ST6GALNAC5: variants seen among roughly 807,000 people sequenced by gnomAD.
ST6GALNAC5 encodes the protein ST6 N-acetylgalactosaminide alpha-2,6-sialyltransferase 5.
In ST6GALNAC5, 27 loss-of-function variants were observed where a neutral mutation model predicts 33.6. That is an observed-to-expected ratio of 0.80 (90% confidence interval 0.59 to 1.11). The LOEUF (loss-of-function observed/expected upper bound fraction) is 1.11, where lower values mean the gene tolerates loss of function less well. ST6GALNAC5 is among the 50% of genes least tolerant of loss of function. The probability of loss-of-function intolerance (pLI) is 0.00; values close to 1 mark genes in which losing one functional copy is unlikely to be tolerated. For synonymous variants in ST6GALNAC5, 194 were observed against 171.2 expected, an observed-to-expected ratio of 1.13 and a Z score of -1.04; for missense variants, 428 against 454.0, an observed-to-expected ratio of 0.94 and a Z score of 0.52.
intron 2 of ST6GALNAC5, among the ~76,000 whole-genome samples, chr1:76,983,950 T>C (rs1306077217): frequency 2.6e-5 from 4 of 152,254 alleles, no homozygotes; most frequent in Non-Finnish European, 4.4e-5. Context: ...ATAAAGATGT[T>C]CTTTCAAATC....
intron 2 of ST6GALNAC5, among the ~76,000 whole-genome samples, chr1:76,981,833 A>AT (rs1324028113): frequency 1.3e-5 from 2 of 152,226 alleles, no homozygotes; most frequent in Non-Finnish European, 2.9e-5. Flanking sequence ...AATATTTGCT[A>AT]TTCTGCAGCC....
At chr1:76,895,255 T>C (rs1654102843) in intron 2 of ST6GALNAC5, among the ~76,000 whole-genome samples, 1 of 151,434 alleles carries the variant, frequency 6.6e-6, no homozygotes, top group Non-Finnish European at 1.5e-5. Flanking sequence ...AAAAATAAAA[T>C]GAAATAGTGG....
chr1:76,914,892 G>T (rs1431865602), intron 2 of ST6GALNAC5, among the ~76,000 whole-genome samples: 1 of 152,106 alleles, frequency 6.6e-6, no homozygotes, highest in African/African-American at 2.4e-5. Context: ...ACTACCATCA[G>T]AGTGAACAGG....
Position 77,029,177 on chromosome 1 carries a change from C to T in ST6GALNAC5, c.262-15027C>T, listed in dbSNP as rs200342137. 1.1e-4 allele frequency among the ~76,000 whole-genome samples: 17 copies of T among 152,264 alleles called. 1 individual carries two copies. In the East Asian group the frequency reaches 3.3e-3, roughly 29 times the overall value. ...GATCAGAACTGTATTTTAGAAAGAA[C>T]ACATGACTCCTGCACTCTAGCCACT... On this transcript the variant is annotated intron_variant, in intron 2 of 4. Coordinates refer to ENST00000477717, the MANE Select transcript of ST6GALNAC5 (RefSeq NM_030965.3).
At chr1:77,017,745 C>T (rs1447936330) in intron 2 of ST6GALNAC5, among the ~76,000 whole-genome samples, 1 of 152,004 alleles carries the variant, frequency 6.6e-6, no homozygotes, top group Non-Finnish European at 1.5e-5. Flanking sequence ...TTGTAAGTCT[C>T]AATAGTATGA....
intron 2 of ST6GALNAC5, among the ~76,000 whole-genome samples, chr1:76,968,352 C>G (rs367880694): frequency 6.6e-6 from 1 of 152,116 alleles, no homozygotes; most frequent in Non-Finnish European, 1.5e-5. Flanking sequence ...TTCTTTGTCT[C>G]TTTTGATCTT....
chr1:77,028,152 CT>C (rs1269213113), intron 2 of ST6GALNAC5, among the ~76,000 whole-genome samples: 4 of 152,232 alleles, frequency 2.6e-5, no homozygotes, highest in Non-Finnish European at 5.9e-5. Flanking sequence ...TTTAACCCTT[CT>C]TTGGCCTCTT....
intron 2 of ST6GALNAC5, among the ~76,000 whole-genome samples, chr1:76,907,121 C>T (rs901369802): frequency 3.9e-5 from 6 of 152,134 alleles, no homozygotes; most frequent in African/African-American, 1.4e-4. Context: ...TGCTAACAAG[C>T]CTTCTTGTAG....
At chr1:76,995,669 AAT>A (rs1399909639) in intron 2 of ST6GALNAC5, 1 of 151,670 alleles carries the variant, frequency 6.6e-6, no homozygotes, top group African/African-American at 2.4e-5. Flanking sequence ...TTATATTATT[AAT>A]ATGACATAAT....
At chr1:76,915,823 C>T (rs1483797395) in intron 2 of ST6GALNAC5, among the ~76,000 whole-genome samples, 1 of 149,596 alleles carries the variant, frequency 6.7e-6, no homozygotes. Flanking sequence ...TGCACATGTA[C>T]CCAAAAACTT....
chr1:76,928,218 A>C (rs1217261054), intron 2 of ST6GALNAC5, among the ~76,000 whole-genome samples: 1 of 152,134 alleles, frequency 6.6e-6, no homozygotes, highest in East Asian at 1.9e-4. Flanking sequence ...AAGACCAGGG[A>C]ATAGAACATA....
chr1:76,950,456 G>T (rs1363303561), intron 2 of ST6GALNAC5, among the ~76,000 whole-genome samples: 1 of 152,118 alleles, frequency 6.6e-6, no homozygotes, highest in Non-Finnish European at 1.5e-5. Context: ...ATACAGCTCA[G>T]TTGTTCCATT....
intron 2 of ST6GALNAC5, among the ~76,000 whole-genome samples, chr1:76,906,663 C>T (rs752011145): frequency 6.6e-6 from 1 of 152,078 alleles, no homozygotes; most frequent in Non-Finnish European, 1.5e-5. Context: ...AGAAAGTTCT[C>T]TTAAATAGGA....
At chr1:76,914,261 C>T (rs1327459030) in intron 2 of ST6GALNAC5, among the ~76,000 whole-genome samples, 1 of 152,144 alleles carries the variant, frequency 6.6e-6, no homozygotes, top group Non-Finnish European at 1.5e-5. Flanking sequence ...AATGGCCATA[C>T]TGCCCAAGGT....
At chr1:77,003,467 A>C (rs1650259095) in intron 2 of ST6GALNAC5, among the ~76,000 whole-genome samples, 2 of 150,114 alleles carry the variant, frequency 1.3e-5, no homozygotes, top group African/African-American at 4.9e-5. Context: ...TGTGTCTTTT[A>C]ATTGGAGCAT....
At chr1:77,034,875 G>T (rs1651592733) in intron 2 of ST6GALNAC5, among the ~76,000 whole-genome samples, 1 of 152,140 alleles carries the variant, frequency 6.6e-6, no homozygotes, top group Admixed American at 6.5e-5. Context: ...ACAGTCTATG[G>T]ATACAGGTGG....
intron 2 of ST6GALNAC5, among the ~76,000 whole-genome samples, chr1:76,967,935 TG>T (rs1324744767): frequency 6.6e-6 from 1 of 152,250 alleles, no homozygotes; most frequent in East Asian, 1.9e-4. Flanking sequence ...GGTTGCAGTG[TG>T]GTCTGAGAGA....
chr1:76,880,554 C>G (rs911387890), intron 2 of ST6GALNAC5, among the ~76,000 whole-genome samples: 1 of 152,148 alleles, frequency 6.6e-6, no homozygotes, highest in Non-Finnish European at 1.5e-5. Context: ...AGAGCCAGTC[C>G]GAGTCTCAAA....
chr1:77,039,869 T>C (rs1192196783), intron 2 of ST6GALNAC5, among the ~76,000 whole-genome samples: 1 of 152,216 alleles, frequency 6.6e-6, no homozygotes, highest in African/African-American at 2.4e-5. Flanking sequence ...TCTTCGGCAG[T>C]ACATCATCTC....
Sources: gnomAD v4.1 joint callset for allele counts (sites outside exome capture counted in the v4.1 genomes callset) on GRCh38, gnomAD v4.1.1 for gene constraint, MANE v1.5 for transcripts, NCBI Gene and HGNC (gene_info 2026-07-23, HGNC 2026-07-21) for gene names.